The following FANCA variants were observed in gnomAD, a reference collection of about 807,000 sequenced individuals.
FANCA encodes Fanconi anemia group A protein.
In FANCA, 236 loss-of-function variants were observed where a neutral mutation model predicts 194.3. That is an observed-to-expected ratio of 1.21 (90% CI 1.09 to 1.35). The LOEUF is 1.35. Among genes scored for constraint, FANCA ranks in the 40% most tolerant of loss-of-function variants. The pLI is 0.00. For missense variants in FANCA, 2,628 were observed against 1,813.9 expected (o/e 1.45, Z -8.15); for synonymous variants, 1,014 against 715.8 (o/e 1.42, Z -6.65).
chr16:89,743,897 CCTG>C (rs1301110894), intron 36 of FANCA, among the ~76,000 whole-genome samples: 1 of 149,428 alleles, frequency 6.7e-6, no homozygotes, highest in Non-Finnish European at 1.5e-5. Context: ...GGAGGTGTGA[CCTG>C]CTTTCTCCTT....
chr16:89,802,108 G>C (rs892214765), intron 8 of FANCA, among the ~76,000 whole-genome samples: 2 of 152,090 alleles, frequency 1.3e-5, no homozygotes, highest in Admixed American at 6.6e-5. Flanking sequence ...ACACACAACG[G>C]AATACTGGTC....
At chr16:89,762,883 A>G (rs968660186) in intron 28 of FANCA, 2 of 332,552 alleles carry the variant, frequency 6.0e-6, no homozygotes, top group African/African-American at 4.4e-5. Flanking sequence ...CAGGCAGATC[A>G]CGAGGTCAGC....
chr16:89,769,633 C>T, intron 26 of FANCA: 1 of 642,878 alleles, frequency 1.6e-6, no homozygotes, highest in South Asian at 1.8e-5. Flanking sequence ...AATATGATCT[C>T]ATTTTTATGA....
At chr16:89,778,497 A>C in intron 20 of FANCA, 2 of 348,150 alleles carry the variant, frequency 5.7e-6, no homozygotes, top group Non-Finnish European at 5.3e-6. Flanking sequence ...TTAGCCAGGC[A>C]CAGGCTTGTA....
At chr16:89,743,625 A>C (rs1433688380) in intron 36 of FANCA, among the ~76,000 whole-genome samples, 1 of 152,024 alleles carries the variant, frequency 6.6e-6, no homozygotes, top group African/African-American at 2.4e-5. Context: ...GGAGTTCGAG[A>C]CCAGCCTGAC....
In FANCA at chr16:89,739,152, C is replaced by T. The variant is rs774175580; in HGVS notation, c.4148G>A (p.Ser1383Asn). 3 of 1,614,038 alleles carry T rather than the reference C, an allele frequency of 1.9e-6. No homozygotes were observed. Among genetic ancestry groups the T allele is most frequent in the African/African-American group, 2.7e-5 (2 of 74,934 alleles). ...ACCTGCCTGACCCTTGAGCTCCAGG[C>T]TCCTGCCAGCTGGAGGTGAAACTGT... Reference protein sequence around the residue: ...TSTVSPPAGRSLELKGQGNPV... With the variant: ...TSTVSPPAGRNLELKGQGNPV... The change falls in exon 41 of 43, where the codon AGC (serine) becomes AAC (asparagine). Residue 1383 changes from serine (S) to asparagine (N), a missense_variant. Physicochemically the swap from Ser to Asn is conservative, Grantham distance 46 (BLOSUM62 1). Transcript: ENST00000389301.
intron 29 of FANCA, among the ~76,000 whole-genome samples, chr16:89,760,749 G>C (rs1301237497): frequency 6.6e-6 from 1 of 152,114 alleles, no homozygotes; most frequent in Non-Finnish European, 1.5e-5. Context: ...GTCAAGGCTG[G>C]CATCACTCCT....
At chr16:89,769,771 T>G in intron 26 of FANCA, 66 bp downstream of exon 26, 1 of 1,563,198 alleles carries the variant, frequency 6.4e-7, no homozygotes, top group Non-Finnish European at 8.7e-7. Context: ...TCTAATTTTA[T>G]CAAACGAGCA....
At chr16:89,739,774 G>A in intron 39 of FANCA, 1 of 1,474,296 alleles carries the variant, frequency 6.8e-7, no homozygotes, top group Non-Finnish European at 9.0e-7. Flanking sequence ...GCAGAGAGAG[G>A]CAGTCCCCAT....
chr16:89,739,002 G>A (rs1020362407), intron 41 of FANCA, 28 bp from the exon 42 acceptor site: 8 of 1,614,000 alleles, frequency 5.0e-6, no homozygotes, highest in South Asian at 1.1e-5. Context: ...AAACTCACAG[G>A]TTAGAAGACA....
chr16:89,774,045 G>T (rs17232903), intron 21 of FANCA, among the ~76,000 whole-genome samples: 1 of 151,900 alleles, frequency 6.6e-6, no homozygotes, highest in Non-Finnish European at 1.5e-5. Context: ...CTGGGATTAC[G>T]GGCATGAGCC....
chr16:89,739,041 T>A (rs1340283229), intron 41 of FANCA, 67 bp from the exon 42 acceptor site: 12 of 1,613,780 alleles, frequency 7.4e-6, no homozygotes, highest in African/African-American at 1.3e-5. Flanking sequence ...GTGTCCCCCA[T>A]AGTCTGCATG....
chr16:89,770,460 C>T (rs1157803074), intron 24 of FANCA, 104 bp downstream of exon 24: 7 of 1,176,382 alleles, frequency 6.0e-6, no homozygotes, highest in Non-Finnish European at 8.7e-6. Context: ...TCGCCGCATG[C>T]TCCTGCGGAG....
chr16:89,752,336 C>A (rs2038625094), intron 30 of FANCA, 114 bp from the exon 31 acceptor site: 2 of 863,760 alleles, frequency 2.3e-6, no homozygotes, highest in East Asian at 4.8e-5. Flanking sequence ...GACAGTGTGA[C>A]CCTCACATTA....
At chr16:89,784,481 C>A (rs372892268) in intron 15 of FANCA, among the ~76,000 whole-genome samples, 1 of 151,666 alleles carries the variant, frequency 6.6e-6, no homozygotes, top group Non-Finnish European at 1.5e-5. Flanking sequence ...GTACAACTCG[C>A]TCTTCCTGCG....
rs2038923320 is a variant in FANCA at position 89,760,702 on chromosome 16, T to A, written c.2852+1247A>T. 2.6e-5 allele frequency among the ~76,000 whole-genome samples: 4 copies of A among 151,924 alleles called. No homozygotes were observed. In the South Asian group the frequency reaches 8.3e-4, roughly 32 times the overall value. ...TCATCAGCCCTGGGACTCATGGGGGTTCACTGCTTCATTTACCCACTTCTT... is the reference window on the plus strand; with the variant it reads ...TCATCAGCCCTGGGACTCATGGGGGATCACTGCTTCATTTACCCACTTCTT... On this transcript the variant is annotated intron_variant, in intron 29 of 42. Coordinates refer to ENST00000389301, the MANE Select transcript of FANCA (RefSeq NM_000135.4).
intron 26 of FANCA, among the ~76,000 whole-genome samples, chr16:89,767,970 C>A (rs954956151): frequency 2.0e-5 from 3 of 152,140 alleles, no homozygotes; most frequent in African/African-American, 7.2e-5. Context: ...ACAGCGTTAG[C>A]CACCGTGCCT....
chr16:89,762,127 G>A, intron 28 of FANCA, 105 bp from the exon 29 acceptor site: 3 of 863,922 alleles, frequency 3.5e-6, no homozygotes, highest in South Asian at 1.3e-5. Flanking sequence ...AGTCCTCCAT[G>A]TCCCTGTGTT....
chr16:89,776,554 G>A (rs564850543), intron 20 of FANCA, among the ~76,000 whole-genome samples: 7 of 152,208 alleles, frequency 4.6e-5, no homozygotes, highest in Admixed American at 2.0e-4. Flanking sequence ...TGGGCCAGGC[G>A]CGGTGGATCC....
Sources: gnomAD v4.1 joint callset for allele counts (sites outside exome capture counted in the v4.1 genomes callset) on GRCh38, gnomAD v4.1.1 for gene constraint, MANE v1.5 for transcripts, NCBI Gene and HGNC (gene_info 2026-07-23, HGNC 2026-07-21) for gene names.